CSMD1: variants seen among roughly 807,000 people sequenced by gnomAD.
CSMD1 encodes the protein CUB and Sushi multiple domains 1, also known as CUB and sushi domain-containing protein 1.
In CSMD1, 213 loss-of-function variants were observed where a neutral mutation model predicts 417.5. That is an observed-to-expected ratio of 0.51 (90% CI 0.46 to 0.57). The LOEUF (loss-of-function observed/expected upper bound fraction) is 0.57, where lower values mean the gene tolerates loss of function less well. Ranked by LOEUF, CSMD1 falls within the 20% of genes least tolerant of loss-of-function variation. CSMD1 has a pLI of 0.00. For synonymous variants in CSMD1, 2,862 were observed against 1,736.8 expected (o/e 1.65, Z -16.11); for missense variants, 6,923 against 4,529.7 (o/e 1.53, Z -15.17).
chr8:4,441,095 G>GTTTTTGTTTTT (rs1798444278), intron 2 of CSMD1, among the ~76,000 whole-genome samples: 1 of 51,298 alleles, frequency 1.9e-5, no homozygotes, highest in African/African-American at 6.7e-5. Context: ...TAATCAAAAG[G>GTTTTTGTTTTT]TTTTTTTTTT....
chr8:4,111,078 G>C (rs898478209), intron 3 of CSMD1, among the ~76,000 whole-genome samples: 2 of 152,170 alleles, frequency 1.3e-5, no homozygotes, highest in African/African-American at 4.8e-5. Context: ...AAATCTGGTA[G>C]AAATCTAGTA....
intron 26 of CSMD1, among the ~76,000 whole-genome samples, chr8:3,241,480 T>C (rs933625415): frequency 6.6e-6 from 1 of 152,192 alleles, no homozygotes; most frequent in African/African-American, 2.4e-5. Context: ...GTGTCAGTCT[T>C]CAGCCACTAA....
intron 1 of CSMD1, among the ~76,000 whole-genome samples, chr8:4,749,325 A>G (rs1585039182): frequency 1.3e-5 from 2 of 152,252 alleles, no homozygotes; most frequent in Admixed American, 6.5e-5. Context: ...GAGTATCACA[A>G]AATCTTACAT....
At chr8:4,338,474 C>G (rs1263679333) in intron 3 of CSMD1, among the ~76,000 whole-genome samples, 4 of 152,114 alleles carry the variant, frequency 2.6e-5, no homozygotes, top group African/African-American at 9.7e-5. Context: ...TGGTTAGGTT[C>G]ATGGCAAATC....
At chr8:4,161,570 G>C (rs1434663055) in intron 3 of CSMD1, among the ~76,000 whole-genome samples, 2 of 152,160 alleles carry the variant, frequency 1.3e-5, no homozygotes, top group African/African-American at 4.8e-5. Context: ...GTTTTGGACA[G>C]AGTTCATCAA....
chr8:4,718,768 T>C (rs932461347), intron 1 of CSMD1, among the ~76,000 whole-genome samples: 8 of 152,076 alleles, frequency 5.3e-5, no homozygotes, highest in African/African-American at 1.9e-4. Context: ...GAAAATACTC[T>C]TTTTAAAGCA....
chr8:4,064,591 C>T (rs1322873693), intron 3 of CSMD1, among the ~76,000 whole-genome samples: 2 of 152,186 alleles, frequency 1.3e-5, no homozygotes, highest in African/African-American at 4.8e-5. Context: ...CATACAACTG[C>T]CGTTTCCGAA....
chr8:3,035,791 G>A (rs997487175), intron 50 of CSMD1, among the ~76,000 whole-genome samples: 1 of 152,102 alleles, frequency 6.6e-6, no homozygotes, highest in Non-Finnish European at 1.5e-5. Context: ...GGGTTTAGCT[G>A]GCATGACAGA....
intron 12 of CSMD1, among the ~76,000 whole-genome samples, chr8:3,466,577 A>ATTTTTTT (rs35761429): frequency 6.4e-4 from 73 of 113,548 alleles, no homozygotes; most frequent in African/African-American, 7.5e-4. Flanking sequence ...CAATCAGCTA[A>ATTTTTTT]TTTTTTTTTT....
chr8:4,150,386 C>T (rs115148839), intron 3 of CSMD1, among the ~76,000 whole-genome samples: 9 of 152,142 alleles, frequency 5.9e-5, no homozygotes, highest in African/African-American at 2.2e-4. Context: ...GCCTGGCTAC[C>T]TTTGGAAGTA....
chr8:3,551,772 T>C (rs1314804761), intron 10 of CSMD1, among the ~76,000 whole-genome samples: 1 of 152,106 alleles, frequency 6.6e-6, no homozygotes, highest in Non-Finnish European at 1.5e-5. Context: ...TGCGATAATA[T>C]GATGTTCTCT....
chr8:4,403,179 C>G (rs879673939), intron 3 of CSMD1, among the ~76,000 whole-genome samples: 16 of 152,208 alleles, frequency 1.1e-4, no homozygotes, highest in Middle Eastern at 3.4e-3. Flanking sequence ...AGACATTAGT[C>G]TGATTACTGA....
chr8:4,714,863 G>GA (rs1156880247), intron 1 of CSMD1, among the ~76,000 whole-genome samples: 2 of 151,992 alleles, frequency 1.3e-5, no homozygotes, highest in Non-Finnish European at 2.9e-5. Flanking sequence ...TAAAACCGAA[G>GA]AAAAAAATCT....
chr8:4,994,190 T>C, intron 1 of CSMD1, 142 bp downstream of exon 1: 1 of 691,410 alleles, frequency 1.4e-6, no homozygotes. Context: ...GTGCATCGCG[T>C]TCCCCGAGCT....
At chr8:4,261,733 A>G (rs1210193981) in intron 3 of CSMD1, among the ~76,000 whole-genome samples, 1 of 152,112 alleles carries the variant, frequency 6.6e-6, no homozygotes, top group Non-Finnish European at 1.5e-5. Flanking sequence ...AAATGCCCCC[A>G]TCACACACAG....
At chr8:4,804,528 TGAGAGAGA>T (rs138277396) in intron 1 of CSMD1, among the ~76,000 whole-genome samples, 1 of 140,990 alleles carries the variant, frequency 7.1e-6, no homozygotes, top group Non-Finnish European at 1.5e-5. Context: ...AGAATGGACG[TGAGAGAGA>T]GAGAGAGGGA....
At chr8:4,708,508 T>C (rs1210006387) in intron 1 of CSMD1, among the ~76,000 whole-genome samples, 1 of 152,180 alleles carries the variant, frequency 6.6e-6, no homozygotes, top group African/African-American at 2.4e-5. Context: ...TAACTCAATC[T>C]GTAGTAATTC....
chr8:4,063,854 C>G (rs1177507692), intron 3 of CSMD1, among the ~76,000 whole-genome samples: 2 of 152,236 alleles, frequency 1.3e-5, no homozygotes, highest in African/African-American at 2.4e-5. Flanking sequence ...TAGACTATGA[C>G]TTTGTCACAT....
intron 30 of CSMD1, among the ~76,000 whole-genome samples, chr8:3,210,781 G>A (rs1245954068): frequency 6.6e-6 from 1 of 151,130 alleles, no homozygotes; most frequent in Non-Finnish European, 1.5e-5. Context: ...CTTTACCCAT[G>A]CTTTTTCTAT....
Sources: gnomAD v4.1 joint callset for allele counts (sites outside exome capture counted in the v4.1 genomes callset) on GRCh38, gnomAD v4.1.1 for gene constraint, MANE v1.5 for transcripts, NCBI Gene and HGNC (gene_info 2026-07-23, HGNC 2026-07-21) for gene names.